The following MYO1B variants were observed in gnomAD, a reference collection of about 807,000 sequenced individuals.
MYO1B encodes myosin IB.
A neutral mutation model predicts 159.7 loss-of-function variants in MYO1B; 72 were observed. That is an observed-to-expected ratio of 0.45 (90% CI 0.37 to 0.55). The LOEUF (loss-of-function observed/expected upper bound fraction) is 0.55, where lower values mean the gene tolerates loss of function less well. Among genes scored for constraint, MYO1B ranks in the 20% least tolerant of loss-of-function variants. The probability of loss-of-function intolerance (pLI) is 0.00; values close to 1 mark genes in which losing one functional copy is unlikely to be tolerated. For missense variants in MYO1B, 1,062 were observed against 1,364.8 expected, an observed-to-expected ratio of 0.78 and a Z score of 3.50; for synonymous variants, 468 against 473.8, an observed-to-expected ratio of 0.99 and a Z score of 0.16.
intron 27 of MYO1B, among the ~76,000 whole-genome samples, 158 bp from the exon 28 acceptor site, chr2:191,413,890 T>G (rs923320866): frequency 1.6e-4 from 24 of 152,346 alleles, no homozygotes; most frequent in African/African-American, 7.2e-5. Context: ...ATTTCCAACT[T>G]ATATTTAGGA....
Position 191,295,110 on chromosome 2 carries a change from T to C in MYO1B, c.136-1001T>C, listed in dbSNP as rs1223418580. On this transcript the variant is annotated intron_variant, in intron 2 of 30. Coordinates refer to ENST00000392318, the MANE Select transcript of MYO1B (RefSeq NM_001130158.3). ...TGAACCTTTTTCTTTTTAAAAGTTA[T>C]ATCGCTCATCACTTTATCACTTAGT... is the stretch of plus-strand genomic sequence containing the variant. 3.9e-5 allele frequency among the ~76,000 whole-genome samples: 6 copies of C among 152,312 alleles called. No individual in the cohort carries two copies. In the South Asian group the frequency reaches 1.2e-3, roughly 32 times the overall value.
intron 2 of MYO1B, among the ~76,000 whole-genome samples, chr2:191,290,904 C>T (rs1398507226): frequency 1.3e-5 from 2 of 152,160 alleles, no homozygotes; most frequent in African/African-American, 2.4e-5. Flanking sequence ...GCAGCACTAG[C>T]AGGTTGTTGC....
intron 21 of MYO1B, among the ~76,000 whole-genome samples, chr2:191,398,639 G>A (rs1352051733): frequency 6.6e-6 from 1 of 151,564 alleles, no homozygotes; most frequent in African/African-American, 2.4e-5. Context: ...AGGGCGGCGG[G>A]GCAGAGGCGC....
chr2:191,317,915 G>A (rs1044361572), intron 3 of MYO1B, among the ~76,000 whole-genome samples: 3 of 151,974 alleles, frequency 2.0e-5, no homozygotes, highest in Non-Finnish European at 2.9e-5. Flanking sequence ...GTAAATAGTT[G>A]GCAAGCAAAC....
chr2:191,263,282 T>C lies in MYO1B; in HGVS notation c.-9-13605T>C, dbSNP rs1049456404. 7.4e-5 allele frequency: 72 copies of C among 979,086 alleles called. 2 individuals are homozygous for C. The highest frequency in any genetic ancestry group is 5.2e-4 in the Middle Eastern group (1 of 1,928). 60.6% of individuals were successfully genotyped at this position (979,086 alleles called of 1,614,324 possible). On this transcript the variant is annotated intron_variant, in intron 1 of 30. Transcript: ENST00000392318. ...CTGCTTGCAAAATATTTGTTGTACTTAGTGTGTTCTCCCTGTCACAACGAA... is the reference window on the plus strand; with the variant it reads ...CTGCTTGCAAAATATTTGTTGTACTCAGTGTGTTCTCCCTGTCACAACGAA...
chr2:191,295,477 A>G (rs2125809924), intron 2 of MYO1B, among the ~76,000 whole-genome samples: 1 of 152,334 alleles, frequency 6.6e-6, no homozygotes, highest in East Asian at 1.9e-4. Context: ...CATTAAATGT[A>G]CTTTCTGGAA....
chr2:191,419,793 A>T (rs905339338), intron 30 of MYO1B, among the ~76,000 whole-genome samples: 2 of 149,856 alleles, frequency 1.3e-5, no homozygotes, highest in African/African-American at 4.8e-5. Flanking sequence ...AAGTAAAAAT[A>T]AAAAAAATTA....
intron 30 of MYO1B, among the ~76,000 whole-genome samples, chr2:191,422,599 G>T (rs1698007085): frequency 6.6e-6 from 1 of 152,080 alleles, no homozygotes; most frequent in African/African-American, 2.4e-5. Flanking sequence ...ATATGTGGTA[G>T]ATCAAACACA....
At chr2:191,381,741 A>G (rs999292991) in intron 14 of MYO1B, among the ~76,000 whole-genome samples, 175 bp downstream of exon 14, 1 of 152,182 alleles carries the variant, frequency 6.6e-6, no homozygotes, top group Non-Finnish European at 1.5e-5. Flanking sequence ...ATAAGAAGCT[A>G]TAGAGTCAGG....
At position 191,260,253 on chromosome 2, in the gene MYO1B, G is replaced by GTTTTTTTTTTTTTTTTTTTTT. The variant is rs1256549425; in HGVS notation, c.-10+14627_-10+14628insTTTTTTTTTTTTTTTTTTTTT. Among the ~76,000 whole-genome samples the GTTTTTTTTTTTTTTTTTTTTT allele has an allele frequency of 5.3e-4, 12 of 22,664 alleles. No individual in the cohort carries two copies. The Non-Finnish European group carries it at 6.2e-3, about 12-fold the overall frequency. 14.9% of individuals were successfully genotyped at this position (22,664 alleles called of 152,430 possible). A position where few individuals can be genotyped will look rare whatever the true frequency, so the allele number is the denominator to read the frequency against. On this transcript the variant is annotated intron_variant, in intron 1 of 30. Transcript: ENST00000392318. Reference sequence around the variant, plus strand: ...ATAATATTACTTTTTTCCCAGATAGGCTTTTTTTTTTTTTGAATTAAAGCT... The same window carrying GTTTTTTTTTTTTTTTTTTTTT: ...ATAATATTACTTTTTTCCCAGATAGGTTTTTTTTTTTTTTTTTTTTTCTTTTTTTTTTTTTGAATTAAAGCT...
At chr2:191,411,195 A>G (rs762991822) in intron 27 of MYO1B, 23 bp downstream of exon 27, 4 of 1,451,308 alleles carry the variant, frequency 2.8e-6, no homozygotes, top group Admixed American at 2.2e-5. Flanking sequence ...TGCTTTACCC[A>G]TAAAATTCAG....
intron 3 of MYO1B, among the ~76,000 whole-genome samples, chr2:191,325,232 G>T (rs1193138909): frequency 3.3e-5 from 5 of 152,136 alleles, no homozygotes; most frequent in African/African-American, 1.2e-4. Flanking sequence ...GTGGAGACTT[G>T]TATATCTCAA....
intron 13 of MYO1B, among the ~76,000 whole-genome samples, chr2:191,376,542 A>G (rs1694723677): frequency 6.6e-6 from 1 of 152,238 alleles, no homozygotes; most frequent in African/African-American, 2.4e-5. Flanking sequence ...TAACTTTTAT[A>G]TAAATGCATT....
rs182718347 is a variant in MYO1B at position 191,377,247 on chromosome 2, T to G, written c.1186-4215T>G. 3.9e-3 allele frequency among the ~76,000 whole-genome samples: 599 copies of G among 152,286 alleles called. 2 individuals are homozygous for G. Among genetic ancestry groups the G allele is most frequent in the African/African-American group, 0.014 (578 of 41,560 alleles). On this transcript the variant is annotated intron_variant, in intron 13 of 30. Transcript: ENST00000392318. ...GTTCTCTAAAGCAGCCTCAGCTTCA[T>G]TTAGGGAGGTTATGTAATAGAAAGC... is the stretch of plus-strand genomic sequence containing the variant.
chr2:191,358,591 T>C (rs1057418292), intron 7 of MYO1B, among the ~76,000 whole-genome samples: 2 of 152,208 alleles, frequency 1.3e-5, no homozygotes, highest in African/African-American at 4.8e-5. Flanking sequence ...GACTGGCCAG[T>C]GTGTTGCTGT....
intron 3 of MYO1B, among the ~76,000 whole-genome samples, chr2:191,323,807 C>A (rs188579571): frequency 6.6e-6 from 1 of 152,220 alleles, no homozygotes; most frequent in African/African-American, 2.4e-5. Context: ...CCAGTAAAAA[C>A]AATCCTTTTC....
chr2:191,397,483 A>G (rs1273314827), intron 21 of MYO1B, among the ~76,000 whole-genome samples: 7 of 152,150 alleles, frequency 4.6e-5, no homozygotes, highest in African/African-American at 1.7e-4. Flanking sequence ...GACACAGCAC[A>G]CGTTTCAGAG....
intron 7 of MYO1B, among the ~76,000 whole-genome samples, chr2:191,358,181 T>C (rs762531895): frequency 6.6e-6 from 1 of 152,180 alleles, no homozygotes; most frequent in Admixed American, 6.5e-5. Flanking sequence ...CTGGCTCTAT[T>C]GCTTACCAAG....
intron 27 of MYO1B, among the ~76,000 whole-genome samples, chr2:191,412,808 T>G (rs1381905185): frequency 6.6e-6 from 1 of 150,980 alleles, no homozygotes; most frequent in East Asian, 2.0e-4. Flanking sequence ...TAGTGATAAG[T>G]GTACAGTTAA....
Sources: gnomAD v4.1 joint callset for allele counts (sites outside exome capture counted in the v4.1 genomes callset) on GRCh38, gnomAD v4.1.1 for gene constraint, MANE v1.5 for transcripts, NCBI Gene and HGNC (gene_info 2026-07-23, HGNC 2026-07-21) for gene names.